PDGFRL: variants seen among roughly 807,000 people sequenced by gnomAD.
The protein encoded by PDGFRL is platelet-derived growth factor receptor-like protein.
PDGFRL carries 46 observed loss-of-function variants against 37.2 expected under a neutral mutation model. That is an observed-to-expected ratio of 1.24 (90% CI 0.98 to 1.58). The LOEUF (loss-of-function observed/expected upper bound fraction) is 1.58, where lower values mean the gene tolerates loss of function less well. Among genes scored for constraint, PDGFRL ranks in the 40% most tolerant of loss-of-function variants. PDGFRL has a pLI of 0.00. For synonymous variants in PDGFRL, 251 were observed against 184.3 expected (o/e 1.36, Z -2.93); for missense variants, 692 against 467.6 (o/e 1.48, Z -4.43).
At chr8:17,584,732 T>A (rs920335721) in intron 1 of PDGFRL, among the ~76,000 whole-genome samples, 4 of 137,530 alleles carry the variant, frequency 2.9e-5, no homozygotes, top group East Asian at 2.2e-4. Context: ...TTTTTTTTTT[T>A]AAAGATACTT....
intron 2 of PDGFRL, among the ~76,000 whole-genome samples, chr8:17,613,500 T>C (rs1019397932): frequency 6.6e-6 from 1 of 151,234 alleles, no homozygotes; most frequent in Admixed American, 6.6e-5. Context: ...GGGGTGAGAG[T>C]GATGCCGGCA....
chr8:17,626,889 C>T (rs540877792), intron 3 of PDGFRL, among the ~76,000 whole-genome samples: 1 of 152,286 alleles, frequency 6.6e-6, no homozygotes. Context: ...AAGAACCAGG[C>T]AGAGTAATTT....
upstream of PDGFRL, chr8:17,577,203 G>A (rs777510139): frequency 6.4e-7 from 1 of 1,555,848 alleles, no homozygotes; most frequent in Non-Finnish European, 8.7e-7. Context: ...CTGCGTCCCC[G>A]CCCCGCGCAG....
In PDGFRL at chr8:17,598,441, T is replaced by C. The variant is rs146589117; in HGVS notation, c.353+8676T>C. Reference sequence around the variant, plus strand: ...ATCAGATTCCTAGCACCTAGAACAATGTCTGACACATACCAGAGCTCAGGA... The same window carrying C: ...ATCAGATTCCTAGCACCTAGAACAACGTCTGACACATACCAGAGCTCAGGA... On this transcript the variant is annotated intron_variant, in intron 2 of 5. Transcript: ENST00000251630. Among the ~76,000 whole-genome samples, 376 of 152,298 alleles carry C rather than the reference T, an allele frequency of 2.5e-3. 1 individual carries two copies. The highest frequency in any genetic ancestry group is 8.4e-3 in the African/African-American group (351 of 41,546).
chr8:17,609,796 A>T (rs946711308), intron 2 of PDGFRL, among the ~76,000 whole-genome samples: 9 of 152,046 alleles, frequency 5.9e-5, no homozygotes, highest in African/African-American at 9.7e-5. Context: ...AGCCTAAGAG[A>T]CTTGCTCATG....
intron 2 of PDGFRL, among the ~76,000 whole-genome samples, chr8:17,593,522 C>A (rs147524341): frequency 0.011 from 1,642 of 151,170 alleles, 33 homozygotes; most frequent in African/African-American, 0.036. Context: ...CACCTGAGCC[C>A]AGGAAGTCAA....
intron 1 of PDGFRL, 49 bp downstream of exon 1, chr8:17,577,356 C>T (rs1227412483): frequency 6.6e-7 from 1 of 1,517,622 alleles, no homozygotes; most frequent in African/African-American, 1.4e-5. Context: ...CTGACTTTAG[C>T]CGGGACCCGA....
At chr8:17,636,507 A>C (rs1433134385) in intron 5 of PDGFRL, among the ~76,000 whole-genome samples, 3 of 150,844 alleles carry the variant, frequency 2.0e-5, no homozygotes, top group Non-Finnish European at 4.4e-5. Flanking sequence ...TGTTTTGGTG[A>C]CTATGGCCTT....
At chr8:17,640,537 T>C (rs913779811) in intron 5 of PDGFRL, among the ~76,000 whole-genome samples, 1 of 152,090 alleles carries the variant, frequency 6.6e-6, no homozygotes, top group Non-Finnish European at 1.5e-5. Context: ...ACTGCAGTGA[T>C]TGTTATTTCT....
intron 3 of PDGFRL, among the ~76,000 whole-genome samples, chr8:17,622,679 C>T (rs771594224): frequency 2.6e-5 from 4 of 152,084 alleles, no homozygotes; most frequent in Non-Finnish European, 5.9e-5. Flanking sequence ...TAAAAGAGTG[C>T]GTGGAGTAGA....
intron 3 of PDGFRL, among the ~76,000 whole-genome samples, chr8:17,624,855 C>T (rs1202200279): frequency 3.9e-5 from 6 of 152,208 alleles, no homozygotes; most frequent in Non-Finnish European, 7.3e-5. Context: ...GTCAAAGTTG[C>T]AGTGAGCCGA....
intron 3 of PDGFRL, among the ~76,000 whole-genome samples, chr8:17,627,056 G>C (rs1804748529): frequency 6.6e-6 from 1 of 152,168 alleles, no homozygotes; most frequent in African/African-American, 2.4e-5. Context: ...GGCTGTGTGA[G>C]GACAGGCTGA....
intron 1 of PDGFRL, among the ~76,000 whole-genome samples, chr8:17,579,935 G>T (rs779624834): frequency 6.6e-6 from 1 of 152,072 alleles, no homozygotes; most frequent in Non-Finnish European, 1.5e-5. Flanking sequence ...CTGATTTTCA[G>T]CATTTATATG....
chr8:17,624,930 G>C (rs1804702784), intron 3 of PDGFRL, among the ~76,000 whole-genome samples: 1 of 152,020 alleles, frequency 6.6e-6, no homozygotes, highest in South Asian at 2.1e-4. Context: ...TGAATTTGTT[G>C]TAATTTGGAT....
At chr8:17,637,162 T>TG (rs1173820863) in intron 5 of PDGFRL, among the ~76,000 whole-genome samples, 1 of 152,208 alleles carries the variant, frequency 6.6e-6, no homozygotes, top group Non-Finnish European at 1.5e-5. Context: ...TGAATGCAAG[T>TG]GGGCATCCTT....
chr8:17,596,403 C>T (rs1804053622), intron 2 of PDGFRL: 3 of 809,852 alleles, frequency 3.7e-6, no homozygotes, highest in South Asian at 6.6e-5. Flanking sequence ...TTTTAAACGA[C>T]CTTATTCACC....
chr8:17,628,958 C>T (rs1804798246), intron 4 of PDGFRL, among the ~76,000 whole-genome samples, 178 bp downstream of exon 4: 1 of 151,860 alleles, frequency 6.6e-6, no homozygotes, highest in African/African-American at 2.4e-5. Context: ...GTTTTGTTGC[C>T]CAGGCTGGAA....
At chr8:17,622,676 G>A (rs1010184675) in intron 3 of PDGFRL, among the ~76,000 whole-genome samples, 4 of 152,204 alleles carry the variant, frequency 2.6e-5, no homozygotes, top group Non-Finnish European at 5.9e-5. Context: ...ACTTAAAAGA[G>A]TGCGTGGAGT....
intron 2 of PDGFRL, among the ~76,000 whole-genome samples, chr8:17,619,989 G>T (rs1053440219): frequency 6.6e-6 from 1 of 152,098 alleles, no homozygotes; most frequent in Non-Finnish European, 1.5e-5. Context: ...TAGAGACAGG[G>T]TCTTGCTCTG....
Sources: gnomAD v4.1 joint callset for allele counts (sites outside exome capture counted in the v4.1 genomes callset) on GRCh38, gnomAD v4.1.1 for gene constraint, MANE v1.5 for transcripts, NCBI Gene and HGNC (gene_info 2026-07-23, HGNC 2026-07-21) for gene names.